Variants in SEC31B observed in about 807,000 individuals in gnomAD.
SEC31B encodes SEC31 homolog B, COPII component.
In SEC31B, 113 loss-of-function variants were observed where a neutral mutation model predicts 135.0. That is an observed-to-expected ratio of 0.84 (90% CI 0.72 to 0.98). SEC31B has a LOEUF of 0.98. SEC31B is among the 50% of genes least tolerant of loss of function. The probability of loss-of-function intolerance (pLI) is 0.00; values close to 1 mark genes in which losing one functional copy is unlikely to be tolerated. For synonymous variants in SEC31B, 508 were observed against 549.4 expected (o/e 0.92, Z 1.05); for missense variants, 1,296 against 1,421.1 (o/e 0.91, Z 1.42).
chr10:100,519,480 G>T (rs1289005928), intron 1 of SEC31B, among the ~76,000 whole-genome samples: 2 of 152,266 alleles, frequency 1.3e-5, no homozygotes, highest in African/African-American at 4.8e-5. Flanking sequence ...CAGCGACACC[G>T]GACGGCCTCG....
rs1236627765 is a variant in SEC31B, at chr10:100,490,284, G to A, written c.2689C>T (p.Gln897Ter). Residue 897 changes from glutamine to a stop codon, truncating the protein, a stop_gained, in exon 21 of 26, where the codon CAA becomes TAA. Coordinates refer to ENST00000370345, the MANE Select transcript of SEC31B (RefSeq NM_015490.4). LOFTEE classifies it high-confidence loss of function. ...GGGAATCCCACCGGGTTAGGAACTT[G>A]CACCCTTTGCCCTCCTAATAGCTGT... ...QPQLLGGQRVQVPNPVGFPGT... is the reference protein window; with the variant it reads ...QPQLLGGQRV The A allele has an allele frequency of 1.2e-6, 2 of 1,613,882 alleles. No individual in the cohort carries two copies. Among genetic ancestry groups the A allele is most frequent in the Middle Eastern group, 1.7e-4 (1 of 6,056 alleles).
At chr10:100,512,289 G>A (rs1293500966) in intron 3 of SEC31B, among the ~76,000 whole-genome samples, 1 of 152,170 alleles carries the variant, frequency 6.6e-6, no homozygotes, top group Non-Finnish European at 1.5e-5. Flanking sequence ...GAGAGGGTAA[G>A]GTACAGCAGA....
At chr10:100,517,957 C>T (rs1016181177) in intron 1 of SEC31B, among the ~76,000 whole-genome samples, 9 of 152,136 alleles carry the variant, frequency 5.9e-5, no homozygotes, top group Non-Finnish European at 2.9e-5. Flanking sequence ...TCTCTATTTT[C>T]GCTGCCAACA....
At chr10:100,509,228 G>T in intron 4 of SEC31B, 88 bp downstream of exon 4, 1 of 1,509,686 alleles carries the variant, frequency 6.6e-7, no homozygotes, top group South Asian at 1.2e-5. Context: ...AGGGGTCAGA[G>T]TTACAGACTG....
intron 2 of SEC31B, 122 bp from the exon 3 acceptor site, chr10:100,516,341 A>C (rs995905362): frequency 1.2e-5 from 14 of 1,192,960 alleles, no homozygotes; most frequent in African/African-American, 3.1e-5. Context: ...TCTCAAAGGT[A>C]ACTCCACAAA....
At chr10:100,488,735 GA>G in intron 24 of SEC31B, 122 bp downstream of exon 24, 1 of 1,326,898 alleles carries the variant, frequency 7.5e-7, no homozygotes, top group South Asian at 1.6e-5. Flanking sequence ...TTAAGTACAA[GA>G]TAGAGACAGC....
intron 11 of SEC31B, among the ~76,000 whole-genome samples, chr10:100,499,812 C>T (rs756136660): frequency 2.0e-5 from 3 of 152,228 alleles, no homozygotes; most frequent in Non-Finnish European, 4.4e-5. Context: ...GCCCTTTGCA[C>T]ATGAGAATTT....
intron 13 of SEC31B, 45 bp downstream of exon 13, chr10:100,499,115 T>C: frequency 6.6e-7 from 1 of 1,518,792 alleles, no homozygotes; most frequent in Non-Finnish European, 9.1e-7. Flanking sequence ...AAAAGGCAGG[T>C]TTCCTGTGTT....
chr10:100,500,148 G>C (rs1249892848), intron 11 of SEC31B: 1 of 456,630 alleles, frequency 2.2e-6, no homozygotes, highest in East Asian at 7.0e-5. Flanking sequence ...CACCTGAGCT[G>C]TCTCTGGCGG....
Position 100,502,245 on chromosome 10 carries a change from G to A in SEC31B, c.1410+9C>T, listed in dbSNP as rs772923727. On this transcript the variant is annotated intron_variant, in intron 11 of 25. Coordinates refer to ENST00000370345, the MANE Select transcript of SEC31B (RefSeq NM_015490.4). ...ACACTTCTGAGCAGCTAGCCTTCAGGCTTCCCACCTTCAGGAACTGCCACA... is the reference window on the plus strand; with the variant it reads ...ACACTTCTGAGCAGCTAGCCTTCAGACTTCCCACCTTCAGGAACTGCCACA... 3.9e-5 allele frequency: 62 copies of A among 1,610,218 alleles called. No individual in the cohort carries two copies. The highest frequency in any genetic ancestry group is 3.4e-4 in the Middle Eastern group (2 of 5,900).
chr10:100,515,918 G>T (rs60414521), intron 3 of SEC31B, among the ~76,000 whole-genome samples, 178 bp downstream of exon 3: 123 of 152,010 alleles, frequency 8.1e-4, no homozygotes, highest in Admixed American at 1.3e-3. Flanking sequence ...CTGGAAAGGG[G>T]GGGGGTGGTT....
intron 19 of SEC31B, among the ~76,000 whole-genome samples, chr10:100,493,584 T>C (rs1217642370): frequency 6.6e-6 from 1 of 152,176 alleles, no homozygotes; most frequent in Non-Finnish European, 1.5e-5. Flanking sequence ...GGAGAACATA[T>C]TGGTGAAGCC....
At chr10:100,492,765 C>T (rs1261855214) in intron 19 of SEC31B, among the ~76,000 whole-genome samples, 2 of 152,078 alleles carry the variant, frequency 1.3e-5, no homozygotes, top group South Asian at 2.1e-4. Flanking sequence ...TATATACTCA[C>T]AATGAACAAG....
intron 10 of SEC31B, among the ~76,000 whole-genome samples, chr10:100,504,299 G>A (rs1227764466): frequency 2.6e-5 from 4 of 152,134 alleles, no homozygotes; most frequent in African/African-American, 9.7e-5. Context: ...CAGTAAAACC[G>A]TTGGCTTTGA....
Position 100,496,255 on chromosome 10 carries a change from T to G in SEC31B, c.2310+3A>C, listed in dbSNP as rs753442907. 10 of 1,613,628 alleles carry G rather than the reference T, an allele frequency of 6.2e-6. No homozygotes were observed. The highest frequency in any genetic ancestry group is 3.3e-4 in the Middle Eastern group (2 of 6,078). ...TTTGCTCTCTCCACATGGCCCCACT[T>G]ACCTGAGCACAGTCCCTGGGTAGAA... is the stretch of plus-strand genomic sequence containing the variant. On this transcript the variant is annotated splice_donor_region_variant and intron_variant, in intron 18 of 25. Coordinates refer to ENST00000370345, the MANE Select transcript of SEC31B (RefSeq NM_015490.4).
At chr10:100,495,659 T>TTTGTTG in intron 18 of SEC31B, 113 bp from the exon 19 acceptor site, 1 of 1,084,368 alleles carries the variant, frequency 9.2e-7, no homozygotes, top group South Asian at 1.4e-5. Context: ...CCTGTGTTAT[T>TTTGTTG]TTGTTGTTGT....
chr10:100,517,016 A>T lies in SEC31B; in HGVS notation c.-45-19T>A. On this transcript the variant is annotated intron_variant, in intron 1 of 25. Transcript: ENST00000370345. The stretch of plus-strand genomic sequence containing the variant: ...CAGCCCACTGAAAATAGAAACCAGC[A>T]AACTTAACAGCCAGATCCAGGGAGC... 2 of 1,245,226 alleles carry T rather than the reference A, an allele frequency of 1.6e-6. No individual in the cohort carries two copies. The highest frequency in any genetic ancestry group is 2.4e-5 in the South Asian group (2 of 82,464). 77.1% of individuals were successfully genotyped at this position (1,245,226 alleles called of 1,614,324 possible).
rs3833721 is a variant in SEC31B at position 100,515,914 on chromosome 10, A to AGG, written c.203+180_203+181dup. 1.3e-3 allele frequency among the ~76,000 whole-genome samples: 195 copies of AGG among 149,370 alleles called. 1 individual carries two copies. The highest frequency in any genetic ancestry group is 8.6e-3 in the South Asian group (40 of 4,668). ...ACACTGCTATTGCTGCTGACTGGAA[A>AGG]GGGGGGGGGTGGTTGTTTTTTAAAT... On this transcript the variant is annotated intron_variant, in intron 3 of 25. Coordinates refer to ENST00000370345, the MANE Select transcript of SEC31B (RefSeq NM_015490.4).
chr10:100,490,106 GC>G lies in SEC31B; in HGVS notation c.2866del (p.Ala956ProfsTer29). On this transcript the variant is annotated frameshift_variant, in exon 21 of 26. Transcript: ENST00000370345. LOFTEE classifies it high-confidence loss of function. ...TGGCACAGGGAAGCTTGCAGGAGGGGCTGGGGTGTGGGAGACCATGCGGCCG... is the reference window on the plus strand; with the variant it reads ...TGGCACAGGGAAGCTTGCAGGAGGGGTGGGGTGTGGGAGACCATGCGGCCG... The part of the protein sequence containing the change: ...GPGRMVSHTP[A>X]PPASFPVPYL... The G allele has an allele frequency of 6.3e-7, 1 of 1,586,522 alleles. No homozygotes were observed. Among genetic ancestry groups the G allele is most frequent in the South Asian group, 1.2e-5 (1 of 85,332 alleles).
Sources: gnomAD v4.1 joint callset for allele counts (sites outside exome capture counted in the v4.1 genomes callset) on GRCh38, gnomAD v4.1.1 for gene constraint, MANE v1.5 for transcripts, NCBI Gene and HGNC (gene_info 2026-07-23, HGNC 2026-07-21) for gene names.